Variants in SYT16 observed in about 807,000 individuals in gnomAD.
SYT16 encodes synaptotagmin 16.
SYT16 carries 42 observed loss-of-function variants against 61.4 expected under a neutral mutation model. The ratio of observed to expected loss-of-function variants is 0.68; its 90% CI spans 0.53 to 0.89. The LOEUF (loss-of-function observed/expected upper bound fraction) is 0.89. SYT16 is among the 40% of genes least tolerant of loss of function. The pLI, the probability that SYT16 is intolerant of heterozygous loss-of-function variation, is 0.00. For missense variants in SYT16, 804 were observed against 807.3 expected, an observed-to-expected ratio of 1.00 and a Z score of 0.05; for synonymous variants, 314 against 302.3, an observed-to-expected ratio of 1.04 and a Z score of -0.40.
At chr14:61,875,789 C>A (rs1242460137) in intron 1 of SYT16, among the ~76,000 whole-genome samples, 2 of 152,200 alleles carry the variant, frequency 1.3e-5, no homozygotes, top group Non-Finnish European at 2.9e-5. Flanking sequence ...CTCTGTATTC[C>A]TTATGGCATC....
chr14:61,974,502 C>T (rs2051699693), intron 2 of SYT16, among the ~76,000 whole-genome samples: 1 of 152,094 alleles, frequency 6.6e-6, no homozygotes, highest in Non-Finnish European at 1.5e-5. Flanking sequence ...AGGGTCATCA[C>T]CAAGAGGTAC....
At chr14:61,898,963 A>C (rs967143704) in intron 1 of SYT16, among the ~76,000 whole-genome samples, 1 of 152,212 alleles carries the variant, frequency 6.6e-6, no homozygotes, top group South Asian at 2.1e-4. Context: ...AGAATGGAGG[A>C]TCAAAGTCAG....
At chr14:61,992,159 C>T (rs17099364) in intron 2 of SYT16, among the ~76,000 whole-genome samples, 3,807 of 152,194 alleles carry the variant, frequency 0.025, 170 homozygotes, top group African/African-American at 0.086. Flanking sequence ...TCTGAGGCCA[C>T]ACCTTTGATT....
chr14:61,839,719 A>G (rs147677643), intron 1 of SYT16, among the ~76,000 whole-genome samples: 328 of 152,322 alleles, frequency 2.2e-3, no homozygotes, highest in Middle Eastern at 6.8e-3. Flanking sequence ...TGAAAAGCCA[A>G]CAAAATCGTA....
At chr14:61,891,616 G>A (rs2048133755) in intron 1 of SYT16, among the ~76,000 whole-genome samples, 2 of 152,176 alleles carry the variant, frequency 1.3e-5, no homozygotes. Context: ...AAACAAGGCA[G>A]TTTGCATCAG....
rs1361711866 is a variant in SYT16 at position 62,109,671 on chromosome 14, G to C, written c.*8964G>C. 6.6e-6 allele frequency: 1 copy of C among 152,048 alleles called. No homozygotes were observed. The highest frequency in any genetic ancestry group is 1.5e-5 in the Non-Finnish European group (1 of 68,006). The allele number at this position is 152,048 out of a possible 1,614,324, so 9.4% of individuals were successfully genotyped here. On this transcript the variant is annotated 3_prime_UTR_variant, in exon 8 of 8. Coordinates refer to ENST00000683842, the MANE Select transcript of SYT16 (RefSeq NM_001367656.1). ...GGAATCTAAACAGAAAGTTCTGAAG[G>C]TTATGAAGACGTGATCCCAAATTTA...
Position 62,110,948 on chromosome 14 carries a change from C to T in SYT16, c.*10241C>T. The T allele has an allele frequency of 6.6e-6, 1 of 152,064 alleles. No homozygotes were observed. Among genetic ancestry groups the T allele is most frequent in the East Asian group, 1.9e-4 (1 of 5,198 alleles). The allele number at this position is 152,064 out of a possible 1,614,324, so 9.4% of individuals were successfully genotyped here. The stretch of plus-strand genomic sequence containing the variant: ...CTCTCCCCTCCCAAGTGACTTTCCT[C>T]ACTCATGTAATCATTTTCTTCATAA... On this transcript the variant is annotated 3_prime_UTR_variant, in exon 8 of 8. Transcript: ENST00000683842.
At chr14:61,929,351 G>A (rs1232365287) in intron 1 of SYT16, among the ~76,000 whole-genome samples, 1 of 152,230 alleles carries the variant, frequency 6.6e-6, no homozygotes, top group Non-Finnish European at 1.5e-5. Context: ...TTCACACAGA[G>A]AGATGGACAG....
intron 2 of SYT16, among the ~76,000 whole-genome samples, chr14:61,978,344 T>G (rs1269236903): frequency 6.6e-6 from 1 of 152,306 alleles, no homozygotes; most frequent in East Asian, 1.9e-4. Flanking sequence ...CCAGCACTGG[T>G]ATTCCACACT....
chr14:61,941,552 G>A (rs1418225508), intron 1 of SYT16, among the ~76,000 whole-genome samples: 2 of 152,074 alleles, frequency 1.3e-5, no homozygotes, highest in African/African-American at 2.4e-5. Context: ...GCACAATCCT[G>A]TCCTCCATGA....
chr14:61,844,657 T>G (rs1343674509), intron 1 of SYT16, among the ~76,000 whole-genome samples: 1 of 152,248 alleles, frequency 6.6e-6, no homozygotes, highest in Non-Finnish European at 1.5e-5. Context: ...GTTTTTGTTT[T>G]TCCTTCTCTT....
chr14:62,007,352 G>C, intron 3 of SYT16, among the ~76,000 whole-genome samples: 1 of 152,124 alleles, frequency 6.6e-6, no homozygotes. Context: ...TCATTTGATA[G>C]TATTTGCCAT....
chr14:61,946,872 A>G (rs1378511102), intron 1 of SYT16, among the ~76,000 whole-genome samples: 1 of 152,178 alleles, frequency 6.6e-6, no homozygotes, highest in East Asian at 1.9e-4. Flanking sequence ...AACTGTCTTT[A>G]GCTATTTGCA....
chr14:61,867,069 A>G (rs2047179555), intron 1 of SYT16, among the ~76,000 whole-genome samples: 1 of 151,528 alleles, frequency 6.6e-6, no homozygotes, highest in South Asian at 2.1e-4. Flanking sequence ...TATGTTTGAG[A>G]TTATTTCTGG....
At chr14:62,072,918 T>G (rs1465830916) in intron 4 of SYT16, among the ~76,000 whole-genome samples, 2 of 152,196 alleles carry the variant, frequency 1.3e-5, no homozygotes, top group Non-Finnish European at 1.5e-5. Context: ...GTGACATAGT[T>G]ATGGCCTATA....
intron 3 of SYT16, among the ~76,000 whole-genome samples, chr14:62,014,681 G>A (rs1024161082): frequency 2.6e-5 from 4 of 151,968 alleles, no homozygotes; most frequent in African/African-American, 4.8e-5. Flanking sequence ...TGATCCACCC[G>A]CCTTGGCTTC....
intron 2 of SYT16, among the ~76,000 whole-genome samples, chr14:61,974,062 G>C (rs2051678559): frequency 6.6e-6 from 1 of 152,164 alleles, no homozygotes; most frequent in Non-Finnish European, 1.5e-5. Context: ...GGCCTGGGGG[G>C]CTGTGGTGGG....
chr14:61,843,195 C>T (rs2046350382), intron 1 of SYT16, among the ~76,000 whole-genome samples: 1 of 152,118 alleles, frequency 6.6e-6, no homozygotes, highest in Admixed American at 6.5e-5. Context: ...TTTACAATCC[C>T]AGCCAACAGT....
At chr14:61,851,292 T>C (rs1369095691) in intron 1 of SYT16, among the ~76,000 whole-genome samples, 2 of 152,252 alleles carry the variant, frequency 1.3e-5, no homozygotes, top group Non-Finnish European at 1.5e-5. Context: ...TACCACATTT[T>C]CTTTATCCAG....
Sources: gnomAD v4.1 joint callset for allele counts (sites outside exome capture counted in the v4.1 genomes callset) on GRCh38, gnomAD v4.1.1 for gene constraint, MANE v1.5 for transcripts, NCBI Gene and HGNC (gene_info 2026-07-23, HGNC 2026-07-21) for gene names.